Variants in SAMMSON observed in about 807,000 individuals in gnomAD.
SAMMSON encodes long intergenic non-protein coding RNA 1212.
intron 4 of SAMMSON, among the ~76,000 whole-genome samples, chr3:70,105,356 G>A (rs1485290984): frequency 6.6e-6 from 1 of 152,212 alleles, no homozygotes; most frequent in Non-Finnish European, 1.5e-5. Context: ...GAAATAATGA[G>A]TGGGGAGAAG....
At chr3:70,311,016 A>G (rs1702449301) in intron 7 of SAMMSON, among the ~76,000 whole-genome samples, 1 of 152,186 alleles carries the variant, frequency 6.6e-6, no homozygotes, top group South Asian at 2.1e-4. Context: ...ATTCAGCAAA[A>G]TCATCAATAA....
At chr3:70,230,216 A>G (rs181810680) in intron 4 of SAMMSON, among the ~76,000 whole-genome samples, 95 of 152,328 alleles carry the variant, frequency 6.2e-4, no homozygotes, top group African/African-American at 2.1e-3. Context: ...AGATACCATA[A>G]TTTACATTGG....
intron 7 of SAMMSON, among the ~76,000 whole-genome samples, chr3:70,297,330 G>A (rs2106698651): frequency 6.6e-6 from 1 of 152,186 alleles, no homozygotes; most frequent in South Asian, 2.1e-4. Context: ...GATAGAGATT[G>A]TGAGATGCTT....
chr3:70,250,106 T>A (rs2106650235), intron 6 of SAMMSON, among the ~76,000 whole-genome samples: 1 of 152,302 alleles, frequency 6.6e-6, no homozygotes, highest in African/African-American at 2.4e-5. Context: ...TCTATTTAGT[T>A]GTTTAAGCCA....
intron 4 of SAMMSON, among the ~76,000 whole-genome samples, chr3:70,139,363 C>A (rs1418308207): frequency 6.6e-6 from 1 of 152,078 alleles, no homozygotes; most frequent in African/African-American, 2.4e-5. Flanking sequence ...GAATAATTTT[C>A]TTTGGCTTAT....
At chr3:70,128,465 T>A (rs910573717) in intron 4 of SAMMSON, among the ~76,000 whole-genome samples, 4 of 152,198 alleles carry the variant, frequency 2.6e-5, no homozygotes, top group African/African-American at 9.7e-5. Flanking sequence ...AGGTCAGGAA[T>A]CCAGTTTAAT....
chr3:70,199,512 G>T (rs1369803995), intron 4 of SAMMSON, among the ~76,000 whole-genome samples: 2 of 152,038 alleles, frequency 1.3e-5, no homozygotes, highest in African/African-American at 4.8e-5. Flanking sequence ...GGTTTTAAAA[G>T]GCAGAGTCTC....
chr3:70,388,826 G>A (rs1017566105), intron 9 of SAMMSON, among the ~76,000 whole-genome samples: 1 of 152,020 alleles, frequency 6.6e-6, no homozygotes, highest in Non-Finnish European at 1.5e-5. Context: ...AGTTTCTATG[G>A]TTTGGATGTG....
Position 70,366,110 on chromosome 3 carries a change from C to G in SAMMSON, n.913+7786C>G, listed in dbSNP as rs1702918526. On this transcript the variant is annotated intron_variant and non_coding_transcript_variant, in intron 9 of 9. Transcript: ENST00000642114. ...GGTTCACGCCATTCTCCTGCCTCAG[C>G]CTCCCGAGTAGCTGGGACTACAGGC... Among the ~76,000 whole-genome samples the G allele has an allele frequency of 2.6e-5, 2 of 75,622 alleles. 1 individual carries two copies. The highest frequency in any genetic ancestry group is 5.7e-5 in the Non-Finnish European group (2 of 35,150). The allele number at this position is 75,622 out of a possible 152,430, so 49.6% of individuals were successfully genotyped here. A position where few individuals can be genotyped will look rare whatever the true frequency, so the allele number is the denominator to read the frequency against.
chr3:70,377,753 A>T (rs542711895), intron 9 of SAMMSON, among the ~76,000 whole-genome samples: 1 of 152,114 alleles, frequency 6.6e-6, no homozygotes, highest in Non-Finnish European at 1.5e-5. Flanking sequence ...ACTAGCTATA[A>T]TATTAAAAAA....
intron 4 of SAMMSON, among the ~76,000 whole-genome samples, chr3:70,138,935 G>A (rs748451518): frequency 3.3e-5 from 5 of 152,150 alleles, no homozygotes; most frequent in Non-Finnish European, 7.4e-5. Flanking sequence ...AGGCAGGAGT[G>A]AAGTGGTGCA....
intron 4 of SAMMSON, among the ~76,000 whole-genome samples, chr3:70,142,487 GA>G (rs1158468946): frequency 1.3e-5 from 2 of 152,142 alleles, no homozygotes; most frequent in African/African-American, 4.8e-5. Flanking sequence ...GCTAGGCTAT[GA>G]GGATGCAAAG....
intron 7 of SAMMSON, among the ~76,000 whole-genome samples, chr3:70,314,062 T>G (rs10470582): frequency 0.014 from 2,083 of 152,276 alleles, 36 homozygotes; most frequent in African/African-American, 0.047. Flanking sequence ...CTCTCTCACC[T>G]GGAGATGATC....
intron 1 of SAMMSON, among the ~76,000 whole-genome samples, chr3:70,000,944 C>T (rs567279552): frequency 7.8e-4 from 119 of 152,246 alleles, no homozygotes; most frequent in African/African-American, 2.5e-3. Flanking sequence ...TGCCGTAAGT[C>T]ATTATTTCCT....
chr3:70,070,290 C>A (rs1408129925), intron 3 of SAMMSON: 2 of 151,942 alleles, frequency 1.3e-5, no homozygotes, highest in Non-Finnish European at 2.9e-5. Context: ...AAATACTATT[C>A]ATTAGACCAC....
Position 70,111,439 on chromosome 3 carries a change from A to G in SAMMSON, n.507+39874A>G, listed in dbSNP as rs560707880. 2.4e-4 allele frequency among the ~76,000 whole-genome samples: 36 copies of G among 152,344 alleles called. 1 individual carries two copies. The highest frequency in any genetic ancestry group is 1.2e-3 in the Admixed American group (18 of 15,290). ...ACACTAACGTGGAAACTTAAGACAC[A>G]GGACAGATCACCTATCAGACCACAT... On this transcript the variant is annotated intron_variant and non_coding_transcript_variant, in intron 4 of 9. Transcript: ENST00000642114.
At chr3:70,417,570 C>A (rs759287860) in intron 2 of SAMMSON, among the ~76,000 whole-genome samples, 30 of 152,178 alleles carry the variant, frequency 2.0e-4, no homozygotes, top group Non-Finnish European at 3.2e-4. Context: ...ATGATCAGAA[C>A]TTCAGACATA....
intron 7 of SAMMSON, among the ~76,000 whole-genome samples, chr3:70,348,188 G>A (rs984865198): frequency 3.9e-5 from 6 of 152,152 alleles, no homozygotes; most frequent in Admixed American, 3.9e-4. Flanking sequence ...TGTCAGAATA[G>A]GCCTCATTGA....
intron 1 of SAMMSON, among the ~76,000 whole-genome samples, chr3:70,002,362 G>A (rs1449336756): frequency 2.0e-5 from 3 of 152,070 alleles, no homozygotes; most frequent in Admixed American, 6.5e-5. Context: ...ATTAATTACA[G>A]CTTATTTGTA....
Sources: gnomAD v4.1 joint callset for allele counts (sites outside exome capture counted in the v4.1 genomes callset) on GRCh38, gnomAD v4.1.1 for gene constraint, MANE v1.5 for transcripts, NCBI Gene and HGNC (gene_info 2026-07-23, HGNC 2026-07-21) for gene names.